The following GPRIN1 variants were observed in gnomAD, a reference collection of about 807,000 sequenced individuals.
GPRIN1 encodes G protein-regulated inducer of neurite outgrowth 1.
A neutral mutation model predicts 2.8 loss-of-function variants in GPRIN1; 4 were observed. The ratio of observed to expected loss-of-function variants is 1.45; its 90% CI spans 0.71 to 3.32. The LOEUF (loss-of-function observed/expected upper bound fraction) is 3.32. Among genes scored for constraint, GPRIN1 ranks in the 30% most tolerant of loss-of-function variants. GPRIN1 has a pLI of 0.01. For missense variants in GPRIN1, 1,322 were observed against 1,343.4 expected (o/e 0.98, Z 0.25); for synonymous variants, 589 against 589.9 (o/e 1.00, Z 0.02).
In GPRIN1 at chr5:176,599,268, G is replaced by C; in HGVS notation, c.567C>G (p.Ile189Met). The stretch of plus-strand genomic sequence containing the variant: ...GAGCCACAGGATCCCCCTTTCCCAA[G>C]ATTTCAGGCTCTGCCTTTCCTGTAA... ...PMFTGKAEPE[I>M]LGKGDPVAPG... The change falls in exon 2 of 2, where the codon ATC becomes ATG. Residue 189 changes from isoleucine to methionine, a missense_variant. Ile to Met is a conservative substitution (Grantham distance 10). Transcript: ENST00000303991. The C allele has an allele frequency of 1.2e-6, 2 of 1,613,994 alleles. No individual in the cohort carries two copies. Among genetic ancestry groups the C allele is most frequent in the Admixed American group, 3.3e-5 (2 of 60,024 alleles).
chr5:176,603,396 A>G (rs1759176221), intron 1 of GPRIN1, among the ~76,000 whole-genome samples: 1 of 152,134 alleles, frequency 6.6e-6, no homozygotes, highest in African/African-American at 2.4e-5. Flanking sequence ...TTTGGCTACC[A>G]GCTTCCTGGG....
intron 1 of GPRIN1, among the ~76,000 whole-genome samples, chr5:176,601,217 T>G (rs1310955065): frequency 6.6e-6 from 1 of 152,190 alleles, no homozygotes; most frequent in African/African-American, 2.4e-5. Context: ...GTGTGTGTTT[T>G]CAAAGATTCC....
In GPRIN1 at chr5:176,598,559, G is replaced by A. The variant is rs758238948; in HGVS notation, c.1276C>T (p.Pro426Ser). The change falls in exon 2 of 2, where the codon CCC (proline) becomes TCC (serine). Residue 426 changes from proline to serine, a missense_variant. Physicochemically the swap from Pro to Ser is moderately conservative, Grantham distance 74. This residue lies in a region of GPRIN1 where 1,117 missense variants were observed against 1,128.6 expected (regional missense o/e 0.99). Transcript: ENST00000303991. ...VDPVSLGKMD[P>S]MCSGKPELLS... ...AGCTCTGGCTTTCCTGAGCACATGG[G>A]GTCCATCTTTCCCAGAGAAACTGGA... 1.2e-6 allele frequency: 2 copies of A among 1,614,106 alleles called. No individual in the cohort carries two copies. The highest frequency in any genetic ancestry group is 1.7e-6 in the Non-Finnish European group (2 of 1,180,040).
Position 176,599,629 on chromosome 5 carries a change from G to T in GPRIN1, c.206C>A (p.Ser69Tyr), listed in dbSNP as rs779307241. Residue 69 changes from serine (S) to tyrosine (Y), a missense_variant, in exon 2 of 2, where the codon TCT (serine) becomes TAT (tyrosine). Ser to Tyr is a moderately radical substitution (Grantham distance 144). Coordinates refer to ENST00000303991, the MANE Select transcript of GPRIN1 (RefSeq NM_052899.3). Reference sequence around the variant, plus strand: ...AGCCCCACTGGGGCTTCTGTGTCTAGACTCCATGCCTGGGCTTTGGTCAGG... The same window carrying T: ...AGCCCCACTGGGGCTTCTGTGTCTATACTCCATGCCTGGGCTTTGGTCAGG... ...HTPDQSPGME[S>Y]RHRSPSGAGE... 8.4e-6 allele frequency: 13 copies of T among 1,541,902 alleles called. No individual in the cohort carries two copies. Among genetic ancestry groups the T allele is most frequent in the Non-Finnish European group, 1.0e-5 (12 of 1,147,772 alleles).
chr5:176,596,880 G>T lies in GPRIN1; in HGVS notation c.2955C>A (p.Gly985=). Residue 985 remains glycine (G), a synonymous_variant, in exon 2 of 2, where the codon GGC becomes GGA. Transcript: ENST00000303991. This position sits in a 1 kb window ranked among gnomAD's most constrained non-coding sequence, Gnocchi z 5.2. ...CACTCTGCAGCAGCGCGCGGAACAG[G>T]CCGGGCGGACGCTTGGCGGCGCCAT... The part of the protein sequence containing the change: ...PPDGAAKRPP[G]LFRALLQSVR... 1 of 1,316,312 alleles carries T rather than the reference G, an allele frequency of 7.6e-7. No individual in the cohort carries two copies. Among genetic ancestry groups the T allele is most frequent in the East Asian group, 2.9e-5 (1 of 34,912 alleles). 81.5% of individuals were successfully genotyped at this position (1,316,312 alleles called of 1,614,324 possible).
At position 176,598,013 on chromosome 5, in the gene GPRIN1, A is replaced by G. The variant is rs200459368; in HGVS notation, c.1822T>C (p.Ser608Pro). The G allele has an allele frequency of 1.6e-5, 26 of 1,613,758 alleles. No homozygotes were observed. The East Asian group carries it at 5.4e-4, about 33-fold the overall frequency. ...GGACTCCCCTTCTCTAGAGGCAGAG[A>G]ACCCACTTTTCCCTCTGGGATAGCT... ...AEAIPEGKVG[S>P]LPLEKGSPVT... is the part of the protein sequence containing the mutation. The change falls in exon 2 of 2, where the codon TCT becomes CCT. Residue 608 changes from serine to proline, a missense_variant. Transcript: ENST00000303991.
At position 176,601,474 on chromosome 5, in the gene GPRIN1, G is replaced by A. The variant is rs79672518; in HGVS notation, c.-43-1597C>T. On this transcript the variant is annotated intron_variant, in intron 1 of 1. Coordinates refer to ENST00000303991, the MANE Select transcript of GPRIN1 (RefSeq NM_052899.3). ...AAGGAAAACTGACAGGTACCAACAG[G>A]CTGTACTGGTAATGGCAGGGGCGGT... Among the ~76,000 whole-genome samples, 452 of 152,314 alleles carry A rather than the reference G, an allele frequency of 3.0e-3. 19 individuals are homozygous for A. In the East Asian group the frequency reaches 0.079, roughly 27 times the overall value.
chr5:176,596,951 GGGCGGCGGGC>G lies in GPRIN1; in HGVS notation c.2874_2883del (p.Pro959ValfsTer123). The stretch of plus-strand genomic sequence containing the variant: ...GAGCCCGAACGGCCGGGGCCGGCAC[GGGCGGCGGGC>G]GGCGGCGCGGGCGCCCCTTGGCGGC... On this transcript the variant is annotated frameshift_variant, in exon 2 of 2. Coordinates refer to ENST00000303991, the MANE Select transcript of GPRIN1 (RefSeq NM_052899.3). LOFTEE classifies it high-confidence loss of function. This position sits in a 1 kb window ranked among gnomAD's most constrained non-coding sequence, Gnocchi z 5.2. 1 of 1,294,454 alleles carries G rather than the reference GGGCGGCGGGC, an allele frequency of 7.7e-7. No individual in the cohort carries two copies. Among genetic ancestry groups the G allele is most frequent in the Non-Finnish European group, 9.8e-7 (1 of 1,022,022 alleles). 80.2% of individuals were successfully genotyped at this position (1,294,454 alleles called of 1,614,324 possible). A position where few individuals can be genotyped will look rare whatever the true frequency, so the allele number is the denominator to read the frequency against.
chr5:176,599,918 A>C, intron 1 of GPRIN1, 41 bp from the exon 2 acceptor site: 11 of 1,261,776 alleles, frequency 8.7e-6, no homozygotes, highest in African/African-American at 1.5e-5. Context: ...CCCAAAGCTC[A>C]GTGGGGGAGG....
Position 176,599,122 on chromosome 5 carries a change from A to G in GPRIN1, c.713T>C (p.Leu238Ser), listed in dbSNP as rs1386796255. Residue 238 changes from leucine (L) to serine (S), a missense_variant, in exon 2 of 2, where the codon TTG (leucine) becomes TCG (serine). By Grantham distance (145) the Leu-to-Ser change is moderately radical (BLOSUM62 -2). Transcript: ENST00000303991. ...TGAGGACACAGGATCCACCTTTCTC[A>G]AAGACCCAGGATCCTCCTTCCTCGG... is the stretch of plus-strand genomic sequence containing the variant. ...VSPRKEDPGS[L>S]RKVDPVSSDK... The G allele has an allele frequency of 1.2e-6, 1 of 860,336 alleles. No homozygotes were observed. Among genetic ancestry groups the G allele is most frequent in the Non-Finnish European group, 1.6e-6 (1 of 627,378 alleles). The allele number at this position is 860,336 out of a possible 1,614,324, so 53.3% of individuals were successfully genotyped here.
In GPRIN1 at chr5:176,597,217, G is replaced by C. The variant is rs1445966636; in HGVS notation, c.2618C>G (p.Thr873Ser). The C allele has an allele frequency of 3.1e-6, 4 of 1,276,392 alleles. No individual in the cohort carries two copies. In the African/African-American group the frequency reaches 4.6e-5, roughly 15 times the overall value. The allele number at this position is 1,276,392 out of a possible 1,614,324, so 79.1% of individuals were successfully genotyped here. The change falls in exon 2 of 2, where the codon ACT (threonine) becomes AGT (serine). Residue 873 changes from threonine to serine, a missense_variant. Thr to Ser is a moderately conservative substitution (Grantham distance 58). Coordinates refer to ENST00000303991, the MANE Select transcript of GPRIN1 (RefSeq NM_052899.3). This position sits in a 1 kb window ranked among gnomAD's most constrained non-coding sequence, Gnocchi z 6.1. ...GGCGGCTTGAGGTGTCATGGGCCCA[G>C]TGGCCACGGAGCGCGTCTCGGCGGC... The part of the protein sequence containing the change: ...LGAAETRSVA[T>S]GPMTPQAAAP...
chr5:176,598,363 G>A lies in GPRIN1; in HGVS notation c.1472C>T (p.Ser491Phe). 1 of 1,613,920 alleles carries A rather than the reference G, an allele frequency of 6.2e-7. No homozygotes were observed. Among genetic ancestry groups the A allele is most frequent in the Non-Finnish European group, 8.5e-7 (1 of 1,179,852 alleles). Reference protein sequence around the residue: ...PESSGKTNPVSSGPGDPRSLG... With the variant: ...PESSGKTNPVFSGPGDPRSLG... ...GGACCTGGGATCGCCTGGACCTGAA[G>A]ACACAGGGTTTGTCTTTCCTGAAGA... The change falls in exon 2 of 2, where the codon TCT (serine) becomes TTT (phenylalanine). Residue 491 changes from serine to phenylalanine, a missense_variant. Ser to Phe is a radical substitution (Grantham distance 155). This residue lies in a region of GPRIN1 where 1,117 missense variants were observed against 1,128.6 expected (regional missense o/e 0.99). Coordinates refer to ENST00000303991, the MANE Select transcript of GPRIN1 (RefSeq NM_052899.3).
At chr5:176,607,136 A>C (rs1457391483) in intron 1 of GPRIN1, among the ~76,000 whole-genome samples, 1 of 152,166 alleles carries the variant, frequency 6.6e-6, no homozygotes, top group East Asian at 1.9e-4. Context: ...TCTGGAAGAG[A>C]TAGGCCAGCC....
At chr5:176,607,310 A>G (rs898599242) in intron 1 of GPRIN1, among the ~76,000 whole-genome samples, 1 of 152,174 alleles carries the variant, frequency 6.6e-6, no homozygotes, top group South Asian at 2.1e-4. Context: ...CTACCCCACT[A>G]GAACCCAGCT....
chr5:176,605,867 G>T (rs1426939810), intron 1 of GPRIN1, among the ~76,000 whole-genome samples: 1 of 152,128 alleles, frequency 6.6e-6, no homozygotes, highest in Non-Finnish European at 1.5e-5. Context: ...GCCAGGATCT[G>T]CCTACCATGC....
Position 176,602,419 on chromosome 5 carries a change from C to T in GPRIN1, c.-43-2542G>A, listed in dbSNP as rs763258204. 6.6e-6 allele frequency among the ~76,000 whole-genome samples: 1 copy of T among 152,096 alleles called. No individual in the cohort carries two copies. Among genetic ancestry groups the T allele is most frequent in the Non-Finnish European group, 1.5e-5 (1 of 68,026 alleles). The stretch of plus-strand genomic sequence containing the variant: ...CCAGCTCCAGGAGGTGGGGACTTTG[C>T]TGTGCTATCTGATATATCCCAGAGT... On this transcript the variant is annotated intron_variant, in intron 1 of 1. Transcript: ENST00000303991. The surrounding 1 kb of genome is among the most constrained non-coding windows in gnomAD (Gnocchi z 4.4).
chr5:176,603,354 C>T (rs1405226407), intron 1 of GPRIN1, among the ~76,000 whole-genome samples: 9 of 152,290 alleles, frequency 5.9e-5, no homozygotes, highest in East Asian at 3.9e-4. Context: ...TTCAGATCTC[C>T]GTTAAAACAC....
At chr5:176,601,242 G>GAGCAC (rs1451425609) in intron 1 of GPRIN1, among the ~76,000 whole-genome samples, 1 of 152,212 alleles carries the variant, frequency 6.6e-6, no homozygotes, top group Non-Finnish European at 1.5e-5. Context: ...GGATGGTATG[G>GAGCAC]AGGCTGGGCT....
intron 1 of GPRIN1, among the ~76,000 whole-genome samples, 151 bp downstream of exon 1, chr5:176,609,848 A>G (rs1434587066): frequency 1.5e-5 from 2 of 137,786 alleles, no homozygotes; most frequent in Non-Finnish European, 3.1e-5. Flanking sequence ...AGCCGCGCGC[A>G]CACACCCGGG....
Sources: gnomAD v4.1 joint callset for allele counts (sites outside exome capture counted in the v4.1 genomes callset) on GRCh38, gnomAD v4.1.1 for gene constraint, gnomAD v4.1.1 regional missense constraint, Gnocchi (gnomAD v3.1) non-coding constraint, MANE v1.5 for transcripts, NCBI Gene and HGNC (gene_info 2026-07-23, HGNC 2026-07-21) for gene names.